The following DHRSX variants were observed in gnomAD, a reference collection of about 807,000 sequenced individuals.
The protein encoded by DHRSX is polyprenol dehydrogenase.
A neutral mutation model predicts 34.0 loss-of-function variants in DHRSX; 31 were observed. The ratio of observed to expected loss-of-function variants is 0.91; its 90% CI spans 0.69 to 1.23. DHRSX has a LOEUF of 1.23. DHRSX is among the 50% of genes most tolerant of loss of function. The pLI is 0.00. For synonymous variants in DHRSX, 201 were observed against 183.8 expected (o/e 1.09, Z -0.76); for missense variants, 414 against 428.1 (o/e 0.97, Z 0.29).
At chrX:2,352,617 G>A (rs1179532357) in intron 3 of DHRSX, among the ~76,000 whole-genome samples, 1 of 152,144 alleles carries the variant, frequency 6.6e-6, no homozygotes, top group Non-Finnish European at 1.5e-5. Context: ...GTCTGCAGGC[G>A]TAGCTGCTGG....
chrX:2,351,715 G>A, intron 3 of DHRSX, among the ~76,000 whole-genome samples: 1 of 152,206 alleles, frequency 6.6e-6, no homozygotes, highest in Middle Eastern at 3.4e-3. Context: ...GGACCACCTG[G>A]GTGAGACTAC....
intron 3 of DHRSX, among the ~76,000 whole-genome samples, chrX:2,404,826 T>C (rs1164241929): frequency 6.6e-6 from 1 of 151,992 alleles, no homozygotes; most frequent in Non-Finnish European, 1.5e-5. Context: ...TCGGTACAAA[T>C]AAATAATTAA....
At chrX:2,325,944 T>C (rs2042381023) in intron 3 of DHRSX, among the ~76,000 whole-genome samples, 1 of 152,202 alleles carries the variant, frequency 6.6e-6, no homozygotes, top group Non-Finnish European at 1.5e-5. Context: ...CCCCAGGGTA[T>C]ATACCCCAGA....
intron 3 of DHRSX, among the ~76,000 whole-genome samples, chrX:2,332,283 G>A (rs1351825479): frequency 3.9e-5 from 6 of 152,180 alleles, no homozygotes; most frequent in African/African-American, 1.2e-4. Flanking sequence ...AAGCTCAAGG[G>A]TGTGGGTAGC....
At chrX:2,477,997 T>G (rs983383357) in intron 1 of DHRSX, among the ~76,000 whole-genome samples, 9 of 152,216 alleles carry the variant, frequency 5.9e-5, no homozygotes, top group African/African-American at 1.9e-4. Flanking sequence ...AGAAACACAC[T>G]AGAAGTCTCT....
rs372368746 is a variant in DHRSX at position 2,221,011 on chromosome X, T to G, written c.*30A>C. ...GCTATTGGCAGGTGCAATGTGTTTC[T>G]TGGGGCAGCAGCTATCCTGAGACAG... is the stretch of plus-strand genomic sequence containing the variant. On this transcript the variant is annotated 3_prime_UTR_variant, in exon 7 of 7. Coordinates refer to ENST00000334651, the MANE Select transcript of DHRSX (RefSeq NM_145177.3). 6.2e-7 allele frequency: 1 copy of G among 1,607,514 alleles called. No individual in the cohort carries two copies. The highest frequency in any genetic ancestry group is 8.5e-7 in the Non-Finnish European group (1 of 1,176,250).
chrX:2,404,790 G>T (rs2043531086), intron 3 of DHRSX, among the ~76,000 whole-genome samples: 1 of 151,990 alleles, frequency 6.6e-6, no homozygotes, highest in East Asian at 1.9e-4. Context: ...TCAAAACTCG[G>T]TCCTTTAAAT....
intron 5 of DHRSX, among the ~76,000 whole-genome samples, chrX:2,253,441 G>T (rs1233879742): frequency 6.7e-6 from 1 of 149,952 alleles, no homozygotes; most frequent in East Asian, 2.0e-4. Context: ...AAGATGTCGC[G>T]GCCGCACTGC....
intron 1 of DHRSX, among the ~76,000 whole-genome samples, chrX:2,493,260 T>C (rs1469040753): frequency 2.6e-5 from 4 of 152,140 alleles, no homozygotes; most frequent in African/African-American, 9.7e-5. Context: ...GAAAAGAATC[T>C]CAAGAGGCCT....
chrX:2,225,166 TCACACACG>T (rs1569476046), intron 6 of DHRSX, among the ~76,000 whole-genome samples: 1 of 146,844 alleles, frequency 6.8e-6, no homozygotes, highest in African/African-American at 2.6e-5. Context: ...TCACATGCAC[TCACACACG>T]CACACAGCTC....
intron 1 of DHRSX, among the ~76,000 whole-genome samples, chrX:2,430,147 T>C (rs2043899251): frequency 6.6e-6 from 1 of 150,592 alleles, no homozygotes; most frequent in Admixed American, 6.7e-5. Context: ...TCGGTGAGGA[T>C]GTCATGCCAC....
chrX:2,419,665 G>A (rs1342736142), intron 2 of DHRSX, among the ~76,000 whole-genome samples: 2 of 151,856 alleles, frequency 1.3e-5, no homozygotes, highest in African/African-American at 4.8e-5. Context: ...CATGTCCTTC[G>A]TAGGGACATG....
chrX:2,406,443 G>GC (rs1041565558), intron 3 of DHRSX, among the ~76,000 whole-genome samples: 1 of 147,232 alleles, frequency 6.8e-6, no homozygotes, highest in Non-Finnish European at 1.5e-5. Flanking sequence ...TTTGTTTTTT[G>GC]TTTTTTTTTT....
chrX:2,232,571 ATTTTT>A (rs762236265), intron 6 of DHRSX, among the ~76,000 whole-genome samples: 1 of 150,982 alleles, frequency 6.6e-6, no homozygotes, highest in Non-Finnish European at 1.5e-5. Context: ...AAGAATCAGC[ATTTTT>A]TTTTATTTTT....
intron 3 of DHRSX, among the ~76,000 whole-genome samples, chrX:2,360,011 C>A (rs1193403996): frequency 6.6e-6 from 1 of 151,994 alleles, no homozygotes; most frequent in Non-Finnish European, 1.5e-5. Context: ...ACAACAAACC[C>A]CCATGACACG....
chrX:2,349,968 G>A (rs1388073063), intron 3 of DHRSX, among the ~76,000 whole-genome samples: 1 of 151,794 alleles, frequency 6.6e-6, no homozygotes, highest in Non-Finnish European at 1.5e-5. Context: ...GAACCTGGGA[G>A]GTGGAGCTTG....
At chrX:2,256,885 G>A (rs924799650) in intron 5 of DHRSX, among the ~76,000 whole-genome samples, 2 of 151,840 alleles carry the variant, frequency 1.3e-5, no homozygotes, top group Admixed American at 6.6e-5. Flanking sequence ...GCCAACCCCT[G>A]TTCTCCAAAC....
intron 3 of DHRSX, among the ~76,000 whole-genome samples, chrX:2,314,885 C>G (rs1405666828): frequency 6.6e-6 from 1 of 152,080 alleles, no homozygotes; most frequent in African/African-American, 2.4e-5. Flanking sequence ...AGGCCAGGTG[C>G]GGTGGCTCAC....
chrX:2,496,230 G>A (rs1330711433), intron 1 of DHRSX, among the ~76,000 whole-genome samples: 2 of 151,758 alleles, frequency 1.3e-5, no homozygotes, highest in Non-Finnish European at 1.5e-5. Context: ...ACGGAGTCTC[G>A]CCCTGTTGCC....
Sources: allele counts gnomAD v4.1 joint callset (sites outside exome capture counted in the v4.1 genomes callset), GRCh38; gene constraint gnomAD v4.1.1; transcripts MANE v1.5; gene names NCBI Gene and HGNC (gene_info 2026-07-23, HGNC 2026-07-21).